ZNF93: variants seen among roughly 807,000 people sequenced by gnomAD.
The protein encoded by ZNF93 is zinc finger protein 93, also known as zinc finger protein 505.
ZNF93 carries 29 observed loss-of-function variants against 45.0 expected under a neutral mutation model. The ratio of observed to expected loss-of-function variants is 0.64; its 90% CI spans 0.48 to 0.88. The LOEUF (loss-of-function observed/expected upper bound fraction) is 0.88, where lower values mean the gene tolerates loss of function less well. Among genes scored for constraint, ZNF93 ranks in the 40% least tolerant of loss-of-function variants. The pLI is 0.00. For synonymous variants in ZNF93, 223 were observed against 244.6 expected (o/e 0.91, Z 0.82); for missense variants, 578 against 724.0 (o/e 0.80, Z 2.31).
rs1470422821 is a variant in ZNF93, at chr19:19,915,178, A to AT, written c.4-101dup. 1.3e-4 allele frequency: 215 copies of AT among 1,597,426 alleles called. 1 individual carries two copies. The highest frequency in any genetic ancestry group is 1.7e-4 in the Middle Eastern group (1 of 5,982). On this transcript the variant is annotated intron_variant, in intron 1 of 3. Transcript: ENST00000343769. The stretch of plus-strand genomic sequence containing the variant: ...TTATTGGATAATTTTAGTCAGTCCT[A>AT]TAAGTCAGAACCACTTCTCTTTACT...
At chr19:19,931,140 TA>T (rs2063372969) in intron 3 of ZNF93, among the ~76,000 whole-genome samples, 2 of 149,360 alleles carry the variant, frequency 1.3e-5, no homozygotes, top group Admixed American at 1.3e-4. Flanking sequence ...TTTCTTTATA[TA>T]ATTTTATTTA....
rs1178674846 is a variant in ZNF93 at position 19,934,799 on chromosome 19, A to G, written c.1844A>G (p.His615Arg). Residue 615 changes from histidine (H) to arginine (R), a missense_variant, in exon 4 of 4, where the codon CAT becomes CGT. His to Arg is a conservative substitution (Grantham distance 29). Around this residue, in one of 3 missense-constraint regions of ZNF93, gnomAD observed 119 missense variants for 123.1 expected, o/e 0.97. Coordinates refer to ENST00000343769, the MANE Select transcript of ZNF93 (RefSeq NM_031218.4). ...AGCCTTAGTAGACATGAGATAATTC[A>G]TACTGGGGAGAAACCCTAGAAGTGT... is the stretch of plus-strand genomic sequence containing the variant. ...PSSLSRHEII[H>R]TGEKP 6.3e-7 allele frequency: 1 copy of G among 1,597,966 alleles called. No individual in the cohort carries two copies. Among genetic ancestry groups the G allele is most frequent in the East Asian group, 2.2e-5 (1 of 44,840 alleles).
At chr19:19,918,951 T>C (rs978559271) in intron 3 of ZNF93, among the ~76,000 whole-genome samples, 2 of 152,180 alleles carry the variant, frequency 1.3e-5, no homozygotes, top group East Asian at 3.9e-4. Context: ...AGAAGCTCTT[T>C]AGTTTAATTA....
chr19:19,928,130 T>C (rs1372858690), intron 3 of ZNF93, among the ~76,000 whole-genome samples: 1 of 152,248 alleles, frequency 6.6e-6, no homozygotes, highest in Non-Finnish European at 1.5e-5. Context: ...ATTTAAAATA[T>C]GTTTTTGTAT....
chr19:19,908,870 T>C lies in ZNF93; in HGVS notation c.4-6410T>C, dbSNP rs1209984841. 5.0e-5 allele frequency: 4 copies of C among 80,152 alleles called. No homozygotes were observed. The East Asian group carries it at 1.5e-3, about 30-fold the overall frequency. The allele number at this position is 80,152 out of a possible 1,614,324, so 5.0% of individuals were successfully genotyped here. A position where few individuals can be genotyped will look rare whatever the true frequency, so the allele number is the denominator to read the frequency against. On this transcript the variant is annotated intron_variant, in intron 1 of 3. Transcript: ENST00000343769. The stretch of plus-strand genomic sequence containing the variant: ...AAAAAAAAAAAAAAAAAAAAAAAAA[T>C]CTTGCTCAGATGGAGATTTGGTTTT...
chr19:19,934,599 A>G lies in ZNF93; in HGVS notation c.1644A>G (p.Leu548=), dbSNP rs1170110833. Reference sequence around the variant, plus strand: ...AAGAATGTGGCAAAGCTTTTCACCTATCCACACACCTTACTACACATAAGA... The same window carrying G: ...AAGAATGTGGCAAAGCTTTTCACCTGTCCACACACCTTACTACACATAAGA... The part of the protein sequence containing the change: ...KCEECGKAFH[L]STHLTTHKIL... Residue 548 remains leucine, a synonymous_variant, in exon 4 of 4, where the codon CTA becomes CTG. Transcript: ENST00000343769. 3 of 1,613,682 alleles carry G rather than the reference A, an allele frequency of 1.9e-6. No individual in the cohort carries two copies. The highest frequency in any genetic ancestry group is 3.3e-5 in the Admixed American group (2 of 59,982).
intron 3 of ZNF93, among the ~76,000 whole-genome samples, chr19:19,929,651 T>C (rs1434902284): frequency 6.6e-6 from 1 of 152,078 alleles, no homozygotes; most frequent in African/African-American, 2.4e-5. Context: ...AGATAAGAGA[T>C]TGTAGGGCCG....
intron 3 of ZNF93, among the ~76,000 whole-genome samples, chr19:19,923,168 T>A (rs1435822249): frequency 3.9e-5 from 6 of 152,226 alleles, no homozygotes; most frequent in Non-Finnish European, 8.8e-5. Context: ...GACCCTCAGC[T>A]GCAGGTCCGT....
chr19:19,901,957 G>A (rs1010450281), intron 1 of ZNF93, among the ~76,000 whole-genome samples: 2 of 152,126 alleles, frequency 1.3e-5, no homozygotes, highest in African/African-American at 4.8e-5. Flanking sequence ...GGGATTGGTG[G>A]CAGGCGTCTG....
intron 3 of ZNF93, among the ~76,000 whole-genome samples, chr19:19,918,923 G>GC (rs1555780022): frequency 6.7e-6 from 1 of 148,394 alleles, no homozygotes; most frequent in African/African-American, 2.5e-5. Context: ...TCTGATGGTA[G>GC]TTTTTTTTTT....
chr19:19,910,508 C>G (rs532919837), intron 1 of ZNF93, among the ~76,000 whole-genome samples: 1 of 152,202 alleles, frequency 6.6e-6, no homozygotes, highest in South Asian at 2.1e-4. Flanking sequence ...ACTCTCTGTC[C>G]CTGTCTTGTT....
At chr19:19,926,629 A>G (rs769262385) in intron 3 of ZNF93, among the ~76,000 whole-genome samples, 9 of 151,890 alleles carry the variant, frequency 5.9e-5, no homozygotes, top group Non-Finnish European at 1.3e-4. Flanking sequence ...CTAAGATTAC[A>G]GGTGTGAGCC....
chr19:19,924,655 A>G (rs562195987), intron 3 of ZNF93, among the ~76,000 whole-genome samples: 8 of 150,890 alleles, frequency 5.3e-5, no homozygotes, highest in African/African-American at 1.9e-4. Context: ...CAATGGTGCA[A>G]TCTAGGCTCA....
At chr19:19,914,837 A>G in intron 1 of ZNF93, 1 of 359,784 alleles carries the variant, frequency 2.8e-6, no homozygotes. Context: ...GCTTGTTAGA[A>G]ATTCAAAAAA....
At chr19:19,901,672 A>C (rs1421043354) in intron 1 of ZNF93, among the ~76,000 whole-genome samples, 1 of 152,024 alleles carries the variant, frequency 6.6e-6, no homozygotes, top group African/African-American at 2.4e-5. Context: ...CCTTTTCTCA[A>C]AACATCGCGC....
At chr19:19,910,891 G>A (rs540190213) in intron 1 of ZNF93, among the ~76,000 whole-genome samples, 4 of 152,286 alleles carry the variant, frequency 2.6e-5, no homozygotes, top group East Asian at 3.9e-4. Context: ...CATTGTGAAT[G>A]TAAACATAGA....
At chr19:19,928,618 G>A (rs2063363128) in intron 3 of ZNF93, among the ~76,000 whole-genome samples, 1 of 152,160 alleles carries the variant, frequency 6.6e-6, no homozygotes, top group Non-Finnish European at 1.5e-5. Context: ...TCAACCTCCT[G>A]GGCTCAAGTG....
chr19:19,913,402 ACT>A (rs2063315100), intron 1 of ZNF93, among the ~76,000 whole-genome samples: 1 of 151,884 alleles, frequency 6.6e-6, no homozygotes, highest in South Asian at 2.1e-4. Flanking sequence ...GCCTCATGTG[ACT>A]CTAAGGTGAT....
intron 3 of ZNF93, among the ~76,000 whole-genome samples, chr19:19,922,445 T>C (rs946682191): frequency 6.6e-6 from 1 of 152,182 alleles, no homozygotes; most frequent in Non-Finnish European, 1.5e-5. Flanking sequence ...GGAGTATCTT[T>C]GTGGCATTCT....
Sources: allele counts gnomAD v4.1 joint callset (sites outside exome capture counted in the v4.1 genomes callset), GRCh38; gene constraint gnomAD v4.1.1; regional missense constraint gnomAD v4.1.1; transcripts MANE v1.5; gene names NCBI Gene and HGNC (gene_info 2026-07-23, HGNC 2026-07-21).